The following AKT3 variants were observed in gnomAD, a reference collection of about 807,000 sequenced individuals.
AKT3 encodes the protein RAC-gamma serine/threonine-protein kinase.
In AKT3, 15 loss-of-function variants were observed where a neutral mutation model predicts 65.3. The ratio of observed to expected loss-of-function variants is 0.23; its 90% confidence interval spans 0.15 to 0.35. The LOEUF (loss-of-function observed/expected upper bound fraction) is 0.35. AKT3 is among the 10% of genes least tolerant of loss of function. The pLI, the probability that AKT3 is intolerant of heterozygous loss-of-function variation, is 1.00. For synonymous variants in AKT3, 206 were observed against 183.8 expected, an observed-to-expected ratio of 1.12 and a Z score of -0.98; for missense variants, 243 against 576.5, an observed-to-expected ratio of 0.42 and a Z score of 5.92.
chr1:243,688,823 G>C (rs367827375), intron 3 of AKT3, among the ~76,000 whole-genome samples: 2 of 151,850 alleles, frequency 1.3e-5, no homozygotes, highest in East Asian at 3.9e-4. Flanking sequence ...TCTCTAATCT[G>C]AGCTTTTTTT....
At chr1:243,819,566 G>A (rs1179387655) in intron 2 of AKT3, among the ~76,000 whole-genome samples, 3 of 152,338 alleles carry the variant, frequency 2.0e-5, no homozygotes, top group Non-Finnish European at 1.5e-5. Context: ...CTTTCTCCCT[G>A]CTGGCTCTGA....
chr1:243,766,151 T>A (rs549102196), intron 2 of AKT3, among the ~76,000 whole-genome samples: 23 of 152,256 alleles, frequency 1.5e-4, no homozygotes, highest in African/African-American at 5.5e-4. Flanking sequence ...AGAAAATCAG[T>A]CTGGTAGCAA....
At chr1:243,602,218 G>C (rs1051909855) in intron 8 of AKT3, among the ~76,000 whole-genome samples, 5 of 152,078 alleles carry the variant, frequency 3.3e-5, no homozygotes, top group Admixed American at 6.6e-5. Flanking sequence ...AAATGTCTTT[G>C]AATTATGAAA....
intron 8 of AKT3, among the ~76,000 whole-genome samples, chr1:243,589,816 A>G (rs375882546): frequency 6.6e-6 from 1 of 152,178 alleles, no homozygotes; most frequent in Admixed American, 6.5e-5. Context: ...GAAACACTCT[A>G]TATATATAGA....
chr1:243,640,544 G>A (rs140241730), intron 5 of AKT3, among the ~76,000 whole-genome samples: 17 of 152,304 alleles, frequency 1.1e-4, no homozygotes, highest in African/African-American at 3.8e-4. Context: ...CAGCTCTAAT[G>A]CTGTCAGTTA....
intron 6 of AKT3, among the ~76,000 whole-genome samples, chr1:243,627,510 G>A (rs905851846): frequency 3.9e-5 from 6 of 152,112 alleles, no homozygotes; most frequent in South Asian, 2.1e-4. Context: ...AATTTGTTTC[G>A]AAGGGATTCT....
intron 2 of AKT3, among the ~76,000 whole-genome samples, chr1:243,775,471 C>T (rs1178750109): frequency 1.3e-5 from 2 of 152,162 alleles, no homozygotes; most frequent in Non-Finnish European, 2.9e-5. Flanking sequence ...TGAGCCACTG[C>T]GCCCGGCCAG....
chr1:243,827,345 T>C (rs1029113484), intron 2 of AKT3, among the ~76,000 whole-genome samples: 4 of 152,188 alleles, frequency 2.6e-5, no homozygotes, highest in Non-Finnish European at 4.4e-5. Context: ...ATTTTTGGCA[T>C]TGTGGATGTT....
chr1:243,790,022 T>G (rs577597036), intron 2 of AKT3, among the ~76,000 whole-genome samples: 58 of 152,294 alleles, frequency 3.8e-4, no homozygotes, highest in Non-Finnish European at 6.8e-4. Flanking sequence ...TTTCCACTGA[T>G]AGAGCACAGG....
At chr1:243,516,569 T>TA (rs1392004248) in intron 12 of AKT3, among the ~76,000 whole-genome samples, 1 of 152,202 alleles carries the variant, frequency 6.6e-6, no homozygotes, top group African/African-American at 2.4e-5. Flanking sequence ...TCTTGTTTTT[T>TA]AGAGACAAAA....
intron 2 of AKT3, among the ~76,000 whole-genome samples, chr1:243,743,415 A>G (rs2148184253): frequency 6.6e-6 from 1 of 152,354 alleles, no homozygotes; most frequent in East Asian, 1.9e-4. Flanking sequence ...CAAAAATACT[A>G]TGAATAAATA....
intron 2 of AKT3, among the ~76,000 whole-genome samples, chr1:243,791,040 A>C (rs1174918207): frequency 6.6e-6 from 1 of 152,218 alleles, no homozygotes; most frequent in Non-Finnish European, 1.5e-5. Flanking sequence ...GCACAACATA[A>C]GCACATGCTC....
intron 6 of AKT3, among the ~76,000 whole-genome samples, chr1:243,625,818 C>T (rs781211554): frequency 1.3e-5 from 2 of 152,172 alleles, no homozygotes; most frequent in Non-Finnish European, 2.9e-5. Context: ...GGGGTTGATG[C>T]AGGAACCTTA....
rs1669346453 is a variant in AKT3 at position 243,501,983 on chromosome 1, C to T, written c.*3266G>A. On this transcript the variant is annotated 3_prime_UTR_variant, in exon 14 of 14. Coordinates refer to ENST00000673466, the MANE Select transcript of AKT3 (RefSeq NM_005465.7). ...TTTCTTGGGTTTATAGTTGCATCTG[C>T]TTAAAATCCTTAACCAGATGACTAG... 1 of 232,722 alleles carries T rather than the reference C, an allele frequency of 4.3e-6. No homozygotes were observed. The highest frequency in any genetic ancestry group is 8.5e-6 in the Non-Finnish European group (1 of 117,804). 14.4% of individuals were successfully genotyped at this position (232,722 alleles called of 1,614,324 possible).
At chr1:243,584,827 G>T (rs1024291730) in intron 8 of AKT3, among the ~76,000 whole-genome samples, 2 of 152,098 alleles carry the variant, frequency 1.3e-5, no homozygotes, top group African/African-American at 4.8e-5. Context: ...CATTCCCCTT[G>T]AGAACTGGAA....
rs530624696 is a variant in AKT3 at position 243,805,399 on chromosome 1, T to C, written c.46+37726A>G. ...CACACTAGCACGTTCCCCTCTGCCA[T>C]CACATATACAAAAATTTTCTCTAAC... On this transcript the variant is annotated intron_variant, in intron 2 of 13. Coordinates refer to ENST00000673466, the MANE Select transcript of AKT3 (RefSeq NM_005465.7). 5.9e-5 allele frequency among the ~76,000 whole-genome samples: 9 copies of C among 152,292 alleles called. No individual in the cohort carries two copies. In the South Asian group the frequency reaches 1.9e-3, roughly 32 times the overall value.
In AKT3 at chr1:243,645,998, T is replaced by A. The variant is rs1384888633; in HGVS notation, c.324A>T (p.Arg108Ser). The A allele has an allele frequency of 4.3e-6, 7 of 1,612,946 alleles. No homozygotes were observed. The highest frequency in any genetic ancestry group is 1.3e-5 in the African/African-American group (1 of 74,908). ...WTEAIQAVAD[R>S]LQRQEEERMN... ...TTCTCTCCTCTTCTTGCCTCTGCAGTCTGTCTGCTACAGCCTGGATAGCTT... is the reference window on the plus strand; with the variant it reads ...TTCTCTCCTCTTCTTGCCTCTGCAGACTGTCTGCTACAGCCTGGATAGCTT... Residue 108 changes from arginine to serine, a missense_variant, in exon 5 of 14, where the codon AGA (arginine) becomes AGT (serine). Transcript: ENST00000673466.
intron 4 of AKT3, among the ~76,000 whole-genome samples, chr1:243,657,193 T>C (rs911986987): frequency 1.3e-5 from 2 of 152,150 alleles, no homozygotes; most frequent in Admixed American, 6.6e-5. Context: ...TTTGGCACTT[T>C]TACTAGGTGA....
chr1:243,818,333 C>T (rs1693652253), intron 2 of AKT3, among the ~76,000 whole-genome samples: 1 of 152,156 alleles, frequency 6.6e-6, no homozygotes, highest in African/African-American at 2.4e-5. Flanking sequence ...AGGAAACTGA[C>T]TCATCTTGAA....
Sources: allele counts gnomAD v4.1 joint callset (sites outside exome capture counted in the v4.1 genomes callset), GRCh38; gene constraint gnomAD v4.1.1; transcripts MANE v1.5; gene names NCBI Gene and HGNC (gene_info 2026-07-23, HGNC 2026-07-21).